Variants in CDH13 observed in about 807,000 individuals in gnomAD.
CDH13 encodes the protein cadherin-13.
Under a neutral mutation model 63.8 loss-of-function variants are expected in CDH13, and 24 were observed. That is an observed-to-expected ratio of 0.38 (90% CI 0.27 to 0.53). The LOEUF is 0.53. Ranked by LOEUF, CDH13 falls within the 20% of genes least tolerant of loss-of-function variation. The pLI is 0.85. For missense variants in CDH13, 1,049 were observed against 903.1 expected, an observed-to-expected ratio of 1.16 and a Z score of -2.07; for synonymous variants, 503 against 355.3, an observed-to-expected ratio of 1.42 and a Z score of -4.67.
At chr16:83,214,228 G>C (rs759835861) in intron 4 of CDH13, among the ~76,000 whole-genome samples, 3 of 151,964 alleles carry the variant, frequency 2.0e-5, no homozygotes, top group Non-Finnish European at 2.9e-5. Flanking sequence ...CCCTTCCCAC[G>C]CAGGGAGCTG....
At chr16:83,524,439 T>C (rs1010187189) in intron 7 of CDH13, among the ~76,000 whole-genome samples, 1 of 126,340 alleles carries the variant, frequency 7.9e-6, no homozygotes, top group Non-Finnish European at 1.6e-5. Context: ...TGTCTTTTTC[T>C]TTTTTCTTTT....
intron 2 of CDH13, among the ~76,000 whole-genome samples, chr16:82,869,141 G>A (rs536388864): frequency 5.3e-4 from 81 of 152,210 alleles, no homozygotes; most frequent in African/African-American, 1.8e-3. Context: ...CTGCCTCCTG[G>A]GTTCAAGCTA....
At chr16:83,583,850 G>C (rs1905875468) in intron 7 of CDH13, among the ~76,000 whole-genome samples, 1 of 152,206 alleles carries the variant, frequency 6.6e-6, no homozygotes, top group Non-Finnish European at 1.5e-5. Context: ...CCACGAGGGA[G>C]AGGTTGCAGT....
chr16:82,669,051 G>A (rs1268442409), intron 1 of CDH13, among the ~76,000 whole-genome samples: 3 of 152,146 alleles, frequency 2.0e-5, no homozygotes, highest in Non-Finnish European at 4.4e-5. Flanking sequence ...TAAATTAGCG[G>A]GATCCACAAG....
intron 11 of CDH13, among the ~76,000 whole-genome samples, chr16:83,757,639 A>G (rs1314844477): frequency 6.6e-6 from 1 of 152,220 alleles, no homozygotes; most frequent in Non-Finnish European, 1.5e-5. Context: ...AAAAGATTGA[A>G]TAAAATTGTA....
At position 83,161,098 on chromosome 16, in the gene CDH13, A is replaced by C. The variant is rs78507145; in HGVS notation, c.483+35597A>C. On this transcript the variant is annotated intron_variant, in intron 4 of 13. Transcript: ENST00000567109. ...ACGTCATACATGAAAGAGATTGGCA[A>C]CCCTTCCTGAAAGCTTTGAATTTTT... Among the ~76,000 whole-genome samples, 130 of 152,282 alleles carry C rather than the reference A, an allele frequency of 8.5e-4. 1 individual carries two copies. In the East Asian group the frequency reaches 0.022, roughly 25 times the overall value.
At chr16:83,189,635 C>G (rs886930402) in intron 4 of CDH13, among the ~76,000 whole-genome samples, 1 of 152,208 alleles carries the variant, frequency 6.6e-6, no homozygotes, top group African/African-American at 2.4e-5. Context: ...TTTGTACTCT[C>G]CCTTTGCGTG....
Position 83,783,348 on chromosome 16 carries a change from G to A in CDH13, c.2010G>A (p.Thr670=), listed in dbSNP as rs369416157. The change falls in exon 13 of 14, where the codon ACG becomes ACA. Residue 670 remains threonine (T), a synonymous_variant. Coordinates refer to ENST00000567109, the MANE Select transcript of CDH13 (RefSeq NM_001257.5). ...MVTDSGKPPM[T]NITDLRVQVC... ...CAGATTCAGGGAAACCACCCATGACGAATATCACAGATCTCAGGGTACAAG... is the reference window on the plus strand; with the variant it reads ...CAGATTCAGGGAAACCACCCATGACAAATATCACAGATCTCAGGGTACAAG... 5.6e-6 allele frequency: 9 copies of A among 1,613,782 alleles called. No individual in the cohort carries two copies. Among genetic ancestry groups the A allele is most frequent in the Admixed American group, 1.7e-5 (1 of 60,006 alleles).
At chr16:82,661,797 C>CAGAT (rs941650755) in intron 1 of CDH13, among the ~76,000 whole-genome samples, 1 of 152,252 alleles carries the variant, frequency 6.6e-6, no homozygotes, top group Non-Finnish European at 1.5e-5. Context: ...AGTACACACA[C>CAGAT]AGATGTGTGT....
intron 2 of CDH13, among the ~76,000 whole-genome samples, chr16:83,028,805 A>G (rs1597173538): frequency 6.6e-6 from 1 of 152,202 alleles, no homozygotes; most frequent in East Asian, 1.9e-4. Context: ...GACCATGGGT[A>G]TCTGGAATTG....
intron 7 of CDH13, among the ~76,000 whole-genome samples, chr16:83,598,422 A>T (rs900806970): frequency 3.3e-5 from 5 of 152,150 alleles, no homozygotes; most frequent in African/African-American, 9.7e-5. Flanking sequence ...GCTACAAAAA[A>T]TTTTCTGTTT....
chr16:83,195,423 C>T (rs1436089022), intron 4 of CDH13, among the ~76,000 whole-genome samples: 1 of 152,096 alleles, frequency 6.6e-6, no homozygotes, highest in Non-Finnish European at 1.5e-5. Flanking sequence ...CTGGGATGGC[C>T]TCAGGGAGCT....
chr16:83,616,376 C>T (rs16961021), intron 8 of CDH13, among the ~76,000 whole-genome samples: 26,847 of 151,770 alleles, frequency 0.18, 2,642 homozygotes, highest in African/African-American at 0.24. Flanking sequence ...TGTGTTGATC[C>T]CCATCATCCC....
intron 3 of CDH13, among the ~76,000 whole-genome samples, chr16:83,111,883 T>G (rs1306516440): frequency 6.6e-6 from 1 of 152,202 alleles, no homozygotes; most frequent in East Asian, 1.9e-4. Context: ...GATGAAGCAT[T>G]CAGTCTTGTT....
chr16:82,636,631 T>C (rs190107873), intron 1 of CDH13, among the ~76,000 whole-genome samples: 11 of 152,318 alleles, frequency 7.2e-5, no homozygotes, highest in African/African-American at 2.4e-4. Flanking sequence ...CTTCAGCATG[T>C]TGGGTGTAGC....
At chr16:83,397,971 T>A (rs1345038610) in intron 6 of CDH13, 4 of 152,240 alleles carry the variant, frequency 2.6e-5, no homozygotes, top group East Asian at 1.9e-4. Context: ...ATGCCTGCAC[T>A]GGTCTATTTG....
chr16:83,769,462 G>A (rs1005229919), intron 11 of CDH13, among the ~76,000 whole-genome samples: 1 of 152,154 alleles, frequency 6.6e-6, no homozygotes, highest in Admixed American at 6.5e-5. Context: ...TATTTTTGAA[G>A]CTAGCTTGGA....
intron 6 of CDH13, among the ~76,000 whole-genome samples, chr16:83,353,295 C>G (rs972677266): frequency 5.3e-5 from 8 of 152,246 alleles, no homozygotes; most frequent in Non-Finnish European, 1.2e-4. Context: ...ATATCTCACA[C>G]CGGCTCAGAA....
intron 1 of CDH13, among the ~76,000 whole-genome samples, chr16:82,817,910 C>G (rs1256377026): frequency 6.6e-6 from 1 of 152,070 alleles, no homozygotes; most frequent in Non-Finnish European, 1.5e-5. Flanking sequence ...TGCATGCATA[C>G]ATGCACATAT....
Sources: allele counts gnomAD v4.1 joint callset (sites outside exome capture counted in the v4.1 genomes callset), GRCh38; gene constraint gnomAD v4.1.1; transcripts MANE v1.5; gene names NCBI Gene and HGNC (gene_info 2026-07-23, HGNC 2026-07-21).